The following PSMB2 variants were observed in gnomAD, a reference collection of about 807,000 sequenced individuals.
PSMB2 encodes the protein proteasome subunit beta type-2.
Under a neutral mutation model 25.7 loss-of-function variants are expected in PSMB2, and 13 were observed. The ratio of observed to expected loss-of-function variants is 0.51; its 90% CI spans 0.33 to 0.80. The LOEUF (loss-of-function observed/expected upper bound fraction) is 0.80, where lower values mean the gene tolerates loss of function less well. Ranked by LOEUF, PSMB2 falls within the 30% of genes least tolerant of loss-of-function variation. The pLI, the probability that PSMB2 is intolerant of heterozygous loss-of-function variation, is 0.02. For synonymous variants in PSMB2, 87 were observed against 96.2 expected (o/e 0.90, Z 0.56); for missense variants, 202 against 259.0 (o/e 0.78, Z 1.51).
chr1:35,619,603 A>C (rs903455659), intron 3 of PSMB2, among the ~76,000 whole-genome samples: 6 of 152,240 alleles, frequency 3.9e-5, no homozygotes, highest in African/African-American at 1.4e-4. Flanking sequence ...AACCAAAAAA[A>C]TTTAAATATT....
chr1:35,635,877 A>C (rs912309537), intron 2 of PSMB2, among the ~76,000 whole-genome samples: 1 of 151,946 alleles, frequency 6.6e-6, no homozygotes, highest in African/African-American at 2.4e-5. Flanking sequence ...ATAAGTCTTA[A>C]AGAATATTAT....
intron 1 of PSMB2, 39 bp from the exon 2 acceptor site, chr1:35,636,471 C>G (rs551267538): frequency 2.5e-6 from 4 of 1,599,140 alleles, no homozygotes; most frequent in Non-Finnish European, 3.4e-6. Flanking sequence ...ACTGCCTTAA[C>G]AGACATTGAC....
intron 3 of PSMB2, among the ~76,000 whole-genome samples, chr1:35,625,711 G>A (rs1358177278): frequency 5.3e-5 from 8 of 151,158 alleles, no homozygotes; most frequent in East Asian, 2.0e-4. Context: ...GCAGTGAGCC[G>A]AGATCGTGCC....
At chr1:35,628,627 A>ATTTTTTTTTTTT (rs1250841351) in intron 3 of PSMB2, among the ~76,000 whole-genome samples, 1 of 42,956 alleles carries the variant, frequency 2.3e-5, no homozygotes, top group African/African-American at 1.1e-4. Flanking sequence ...ATATATATAT[A>ATTTTTTTTTTTT]TATATTTTTT....
chr1:35,640,087 A>ACTG (rs1651352477), intron 1 of PSMB2, among the ~76,000 whole-genome samples: 1 of 151,668 alleles, frequency 6.6e-6, no homozygotes, highest in African/African-American at 2.4e-5. Flanking sequence ...ATACTATACT[A>ACTG]TACTATACTA....
At chr1:35,634,562 G>A (rs531426635) in intron 2 of PSMB2, among the ~76,000 whole-genome samples, 2 of 151,944 alleles carry the variant, frequency 1.3e-5, no homozygotes, top group East Asian at 1.9e-4. Context: ...ATTTTTTATA[G>A]AGCCAGGGTC....
chr1:35,609,373 A>G lies in PSMB2; in HGVS notation c.321T>C (p.Tyr107=). The change falls in exon 4 of 6, where the codon TAT becomes TAC. Residue 107 remains tyrosine (Y), a synonymous_variant. Coordinates refer to ENST00000373237, the MANE Select transcript of PSMB2 (RefSeq NM_002794.5). ...PYHVNLLLAG[Y]DEHEGPALYY... Reference sequence around the variant, plus strand: ...ACAGCGCTGGCCCTTCATGCTCATCATAGCCAGCCAGGAGGAGGTTCACAT... The same window carrying G: ...ACAGCGCTGGCCCTTCATGCTCATCGTAGCCAGCCAGGAGGAGGTTCACAT... 1.3e-6 allele frequency: 2 copies of G among 1,596,998 alleles called. No homozygotes were observed. The highest frequency in any genetic ancestry group is 1.7e-6 in the Non-Finnish European group (2 of 1,170,260).
chr1:35,632,686 G>C (rs558020139), intron 2 of PSMB2, among the ~76,000 whole-genome samples: 1 of 152,158 alleles, frequency 6.6e-6, no homozygotes, highest in African/African-American at 2.4e-5. Flanking sequence ...TCGAGCCCAG[G>C]AGTTTAAGAC....
chr1:35,630,182 AT>A (rs1294399906), intron 3 of PSMB2, among the ~76,000 whole-genome samples: 1 of 152,242 alleles, frequency 6.6e-6, no homozygotes, highest in African/African-American at 2.4e-5. Context: ...TCTCAAAAAA[AT>A]AAAAATAAAA....
rs918429099 is a variant in PSMB2 at position 35,601,619 on chromosome 1, A to G, written c.*1648T>C. On this transcript the variant is annotated 3_prime_UTR_variant, in exon 6 of 6. Transcript: ENST00000373237. ...CCAATACTTTAATATGAACGTTATG[A>G]TCAGTAGGTAGTATCTTAGATGATA... 1.0e-6 allele frequency: 1 copy of G among 985,278 alleles called. No homozygotes were observed. The highest frequency in any genetic ancestry group is 1.2e-6 in the Non-Finnish European group (1 of 829,750). 61.0% of individuals were successfully genotyped at this position (985,278 alleles called of 1,614,324 possible).
intron 3 of PSMB2, among the ~76,000 whole-genome samples, chr1:35,630,642 C>G (rs1467608033): frequency 6.6e-6 from 1 of 152,036 alleles, no homozygotes; most frequent in Non-Finnish European, 1.5e-5. Context: ...AAAGGCAAAA[C>G]CATGGAGAAA....
At chr1:35,621,666 C>T (rs901084551) in intron 3 of PSMB2, among the ~76,000 whole-genome samples, 2 of 151,854 alleles carry the variant, frequency 1.3e-5, no homozygotes, top group African/African-American at 4.8e-5. Flanking sequence ...TTTTAGTCTT[C>T]CTTTTCATTT....
chr1:35,634,986 G>A (rs929105184), intron 2 of PSMB2, among the ~76,000 whole-genome samples: 3 of 152,064 alleles, frequency 2.0e-5, no homozygotes, highest in Admixed American at 6.6e-5. Flanking sequence ...AAGGCCGGGC[G>A]TGGTGGCTCA....
rs535617834 is a variant in PSMB2 at position 35,603,222 on chromosome 1, C to T, written c.*45G>A. 4 of 1,592,968 alleles carry T rather than the reference C, an allele frequency of 2.5e-6. No homozygotes were observed. In the East Asian group the frequency reaches 6.7e-5, roughly 27 times the overall value. On this transcript the variant is annotated 3_prime_UTR_variant, in exon 6 of 6. Transcript: ENST00000373237. ...AAAGAGTAGAAAAAAATAAAGGAGCCCATCAAAAAAAAGTTCCCTGGCAAG... is the reference window on the plus strand; with the variant it reads ...AAAGAGTAGAAAAAAATAAAGGAGCTCATCAAAAAAAAGTTCCCTGGCAAG...
chr1:35,601,060 T>A lies in PSMB2; in HGVS notation c.*2207A>T. ...GGCGTCAGAATCATCTGTGGCGCTT[T>A]TTTTTTTTTTTTTTTTTTTTTTTTG... On this transcript the variant is annotated 3_prime_UTR_variant, in exon 6 of 6. Transcript: ENST00000373237. The A allele has an allele frequency of 7.5e-6, 3 of 397,670 alleles. No homozygotes were observed. The highest frequency in any genetic ancestry group is 6.1e-6 in the Non-Finnish European group (2 of 327,008). The allele number at this position is 397,670 out of a possible 1,614,324, so 24.6% of individuals were successfully genotyped here. A position where few individuals can be genotyped will look rare whatever the true frequency, so the allele number is the denominator to read the frequency against.
intron 5 of PSMB2, among the ~76,000 whole-genome samples, chr1:35,604,858 C>T (rs1196029875): frequency 6.6e-6 from 1 of 152,232 alleles, no homozygotes; most frequent in Non-Finnish European, 1.5e-5. Flanking sequence ...TCACCTGGGA[C>T]TGCCAGTTAA....
rs1327702692 is a variant in PSMB2 at position 35,603,064 on chromosome 1, T to C, written c.*203A>G. On this transcript the variant is annotated 3_prime_UTR_variant, in exon 6 of 6. Coordinates refer to ENST00000373237, the MANE Select transcript of PSMB2 (RefSeq NM_002794.5). The stretch of plus-strand genomic sequence containing the variant: ...GCGGAGCAGGAAGAAAAGTCAGACC[T>C]GGCAAAAAGATCATCTTCCCTCCAT... 1 of 1,336,994 alleles carries C rather than the reference T, an allele frequency of 7.5e-7. No individual in the cohort carries two copies. Among genetic ancestry groups the C allele is most frequent in the Non-Finnish European group, 9.6e-7 (1 of 1,043,742 alleles). 82.8% of individuals were successfully genotyped at this position (1,336,994 alleles called of 1,614,324 possible). A position where few individuals can be genotyped will look rare whatever the true frequency, so the allele number is the denominator to read the frequency against.
intron 3 of PSMB2, among the ~76,000 whole-genome samples, chr1:35,620,993 T>C (rs1408494083): frequency 1.3e-5 from 2 of 151,738 alleles, no homozygotes; most frequent in Non-Finnish European, 2.9e-5. Context: ...TTTATGTATG[T>C]AGTATAAAAT....
At chr1:35,622,578 G>A (rs941284091) in intron 3 of PSMB2, among the ~76,000 whole-genome samples, 1 of 152,032 alleles carries the variant, frequency 6.6e-6, no homozygotes, top group African/African-American at 2.4e-5. Context: ...TGAAAAGTTG[G>A]CATTATGGGG....
Sources: gnomAD v4.1 joint callset for allele counts (sites outside exome capture counted in the v4.1 genomes callset) on GRCh38, gnomAD v4.1.1 for gene constraint, MANE v1.5 for transcripts, NCBI Gene and HGNC (gene_info 2026-07-23, HGNC 2026-07-21) for gene names.